Variants in OCA2 observed in about 807,000 individuals in gnomAD.
The protein encoded by OCA2 is P protein.
OCA2 carries 77 observed loss-of-function variants against 100.2 expected under a neutral mutation model. The ratio of observed to expected loss-of-function variants is 0.77; its 90% CI spans 0.64 to 0.93. The LOEUF is 0.93. Ranked by LOEUF, OCA2 falls within the 40% of genes least tolerant of loss-of-function variation. The pLI is 0.00. For synonymous variants in OCA2, 432 were observed against 439.2 expected (o/e 0.98, Z 0.21); for missense variants, 1,062 against 1,089.1 (o/e 0.98, Z 0.35).
intron 19 of OCA2, among the ~76,000 whole-genome samples, chr15:27,923,934 C>G (rs961605885): frequency 6.6e-6 from 1 of 152,042 alleles, no homozygotes; most frequent in South Asian, 2.1e-4. Flanking sequence ...AATCTTTTCC[C>G]GTGCCTATGT....
At chr15:27,961,386 T>C (rs1189570192) in intron 15 of OCA2, among the ~76,000 whole-genome samples, 3 of 152,198 alleles carry the variant, frequency 2.0e-5, no homozygotes, top group Admixed American at 6.5e-5. Flanking sequence ...TGGAAGACAG[T>C]GTGGCGGTTC....
chr15:27,747,743 A>G, the OCA2 span, among the ~76,000 whole-genome samples: 12 of 91,028 alleles, frequency 1.3e-4, no homozygotes, highest in Non-Finnish European at 3.1e-4. Flanking sequence ...TAGATTTAAT[A>G]TCTATTAAAA....
At chr15:27,944,392 T>C (rs1052109624) in intron 18 of OCA2, among the ~76,000 whole-genome samples, 2 of 152,204 alleles carry the variant, frequency 1.3e-5, no homozygotes. Flanking sequence ...ATTGCATTTG[T>C]AAAGCTAATC....
chr15:27,806,608 G>A (rs2151199033), intron 23 of OCA2, among the ~76,000 whole-genome samples: 1 of 152,336 alleles, frequency 6.6e-6, no homozygotes, highest in East Asian at 1.9e-4. Flanking sequence ...CCCGCCGTCC[G>A]CTGTGCGCTC....
chr15:27,791,821 G>T (rs888295665), intron 23 of OCA2, among the ~76,000 whole-genome samples: 1 of 152,164 alleles, frequency 6.6e-6, no homozygotes, highest in African/African-American at 2.4e-5. Flanking sequence ...AAAAGAAAAA[G>T]TTAAAGATTC....
chr15:28,091,606 A>G (rs1255114939), intron 1 of OCA2, among the ~76,000 whole-genome samples: 1 of 152,202 alleles, frequency 6.6e-6, no homozygotes, highest in Non-Finnish European at 1.5e-5. Flanking sequence ...ACATATGTCC[A>G]CACAAAAATG....
chr15:27,725,566 GACAA>G, the OCA2 span, among the ~76,000 whole-genome samples: 1 of 152,262 alleles, frequency 6.6e-6, no homozygotes, highest in South Asian at 2.1e-4. Flanking sequence ...GAGACTCCGT[GACAA>G]ACAAAAACAA....
chr15:28,070,545 G>A (rs1476969651), intron 2 of OCA2, among the ~76,000 whole-genome samples: 5 of 145,134 alleles, frequency 3.4e-5, no homozygotes, highest in South Asian at 2.3e-4. Context: ...AGGTGGGGGG[G>A]TCAGCCCTCC....
At chr15:27,803,482 C>A (rs543663479) in intron 23 of OCA2, among the ~76,000 whole-genome samples, 1 of 152,278 alleles carries the variant, frequency 6.6e-6, no homozygotes, top group East Asian at 1.9e-4. Context: ...ATAAGCCCAT[C>A]ACGAAATGAC....
At chr15:27,735,506 G>C in the OCA2 span, among the ~76,000 whole-genome samples, 1 of 152,056 alleles carries the variant, frequency 6.6e-6, no homozygotes, top group African/African-American at 2.4e-5. Context: ...CTAGATACAG[G>C]AAGGTCAAAG....
rs552358115 is a variant in OCA2 at position 27,763,420 on chromosome 15, T to C, written c.2433-7948A>G. Among the ~76,000 whole-genome samples, 171 of 152,292 alleles carry C rather than the reference T, an allele frequency of 1.1e-3. 1 individual carries two copies. The highest frequency in any genetic ancestry group is 3.9e-3 in the African/African-American group (162 of 41,560). On this transcript the variant is annotated intron_variant, in intron 23 of 23. Transcript: ENST00000354638. ...AGTCAAAGGATTCTTATCTAGAATATATGAAAAGATCTCAAAACTCAGTGG... is the reference window on the plus strand; with the variant it reads ...AGTCAAAGGATTCTTATCTAGAATACATGAAAAGATCTCAAAACTCAGTGG...
In OCA2 at chr15:27,755,875, G is replaced by A. The variant is rs150288504; in HGVS notation, c.2433-403C>T. Among the ~76,000 whole-genome samples, 466 of 152,240 alleles carry A rather than the reference G, an allele frequency of 3.1e-3. 5 individuals carry two copies. The highest frequency in any genetic ancestry group is 0.011 in the African/African-American group (450 of 41,528). Reference sequence around the variant, plus strand: ...TTCCCAGAGATCCCAGCTTCCAGCAGGCTCCTGAAGTCCCTCACACTTAAG... The same window carrying A: ...TTCCCAGAGATCCCAGCTTCCAGCAAGCTCCTGAAGTCCCTCACACTTAAG... On this transcript the variant is annotated intron_variant, in intron 23 of 23. Transcript: ENST00000354638.
At chr15:27,897,833 G>T (rs2037770755) in intron 19 of OCA2, among the ~76,000 whole-genome samples, 1 of 152,188 alleles carries the variant, frequency 6.6e-6, no homozygotes, top group Non-Finnish European at 1.5e-5. Flanking sequence ...AAGGCAGCGG[G>T]GACGGAGGCT....
intron 23 of OCA2, among the ~76,000 whole-genome samples, chr15:27,761,522 G>T (rs2150992803): frequency 6.6e-6 from 1 of 151,432 alleles, no homozygotes; most frequent in South Asian, 2.1e-4. Flanking sequence ...TTCATTAATG[G>T]AAGACTCAAC....
chr15:27,766,995 C>T (rs185085039), intron 23 of OCA2, among the ~76,000 whole-genome samples: 129 of 152,326 alleles, frequency 8.5e-4, no homozygotes, highest in Admixed American at 2.5e-3. Flanking sequence ...GCCCCTTCTT[C>T]GCCCCTATCC....
chr15:27,819,067 A>G (rs1043520698), intron 23 of OCA2, among the ~76,000 whole-genome samples: 2 of 152,248 alleles, frequency 1.3e-5, no homozygotes, highest in Non-Finnish European at 2.9e-5. Context: ...AACTCCTGAC[A>G]GAGACTACTG....
intron 9 of OCA2, among the ~76,000 whole-genome samples, chr15:28,011,775 A>T (rs953204095): frequency 3.3e-5 from 5 of 151,962 alleles, no homozygotes; most frequent in African/African-American, 1.2e-4. Flanking sequence ...AAAATTAGTC[A>T]GGTGTGGTGG....
At chr15:28,063,582 A>T (rs1344891755) in intron 2 of OCA2, among the ~76,000 whole-genome samples, 1 of 151,508 alleles carries the variant, frequency 6.6e-6, no homozygotes, top group Non-Finnish European at 1.5e-5. Flanking sequence ...TATTTTAGTT[A>T]TTTTCTTGTG....
intron 2 of OCA2, among the ~76,000 whole-genome samples, chr15:28,074,591 G>A (rs750095137): frequency 7.3e-5 from 11 of 151,294 alleles, no homozygotes; most frequent in African/African-American, 7.3e-5. Flanking sequence ...GGAGAATGGC[G>A]TGAACCCGGG....
Sources: allele counts gnomAD v4.1 joint callset (sites outside exome capture counted in the v4.1 genomes callset), GRCh38; gene constraint gnomAD v4.1.1; transcripts MANE v1.5; gene names NCBI Gene and HGNC (gene_info 2026-07-23, HGNC 2026-07-21).